The following CDK6 variants were observed in gnomAD, a reference collection of about 807,000 sequenced individuals.
CDK6 encodes cyclin dependent kinase 6, also known as cyclin-dependent kinase 6.
A neutral mutation model predicts 37.1 loss-of-function variants in CDK6; 6 were observed. The observed-to-expected ratio is 0.16, with a 90% confidence interval of 0.09 to 0.32. CDK6 has a LOEUF of 0.32. Ranked by LOEUF, CDK6 falls within the 10% of genes least tolerant of loss-of-function variation. CDK6 has a pLI of 1.00. For synonymous variants in CDK6, 160 were observed against 161.3 expected (o/e 0.99, Z 0.06); for missense variants, 224 against 418.9 (o/e 0.53, Z 4.06).
At position 92,786,944 on chromosome 7, in the gene CDK6, G is replaced by A. The variant is rs565338549; in HGVS notation, c.234-12113C>T. On this transcript the variant is annotated intron_variant, in intron 2 of 7. Coordinates refer to ENST00000424848, the MANE Select transcript of CDK6 (RefSeq NM_001145306.2). ...CACCCCTGTAATCCCAGCACTCTGGGAGGCTGAGGGGGGTGGATCACTTGA... is the reference window on the plus strand; with the variant it reads ...CACCCCTGTAATCCCAGCACTCTGGAAGGCTGAGGGGGGTGGATCACTTGA... Among the ~76,000 whole-genome samples, 112 of 152,164 alleles carry A rather than the reference G, an allele frequency of 7.4e-4. 3 individuals are homozygous for A. The South Asian group carries it at 0.023, about 31-fold the overall frequency.
At chr7:92,695,256 T>C (rs1046156321) in intron 4 of CDK6, among the ~76,000 whole-genome samples, 14 of 148,140 alleles carry the variant, frequency 9.5e-5, no homozygotes, top group Admixed American at 6.1e-4. Flanking sequence ...TGTTGGTGAT[T>C]AAGGGACCCT....
intron 3 of CDK6, among the ~76,000 whole-genome samples, chr7:92,728,243 A>T (rs2115567123): frequency 6.6e-6 from 1 of 152,346 alleles, no homozygotes; most frequent in South Asian, 2.1e-4. Flanking sequence ...ATCACTAAAA[A>T]ATTCCACTAC....
At chr7:92,716,516 T>C (rs1489309740) in intron 4 of CDK6, among the ~76,000 whole-genome samples, 2 of 152,096 alleles carry the variant, frequency 1.3e-5, no homozygotes, top group Non-Finnish European at 2.9e-5. Flanking sequence ...TTGGACTGAG[T>C]GAATAAAAAT....
chr7:92,773,260 T>C (rs1478493253), intron 3 of CDK6, among the ~76,000 whole-genome samples: 1 of 152,164 alleles, frequency 6.6e-6, no homozygotes, highest in Non-Finnish European at 1.5e-5. Context: ...TTATAAGGCA[T>C]GTGAGATTAC....
chr7:92,797,504 G>T (rs527752069), intron 2 of CDK6, among the ~76,000 whole-genome samples: 1 of 152,268 alleles, frequency 6.6e-6, no homozygotes, highest in African/African-American at 2.4e-5. Flanking sequence ...TTTAGTGCCA[G>T]GTGGATACTG....
chr7:92,786,217 A>T (rs930789477), intron 2 of CDK6, among the ~76,000 whole-genome samples: 2 of 152,178 alleles, frequency 1.3e-5, no homozygotes, highest in African/African-American at 2.4e-5. Context: ...GCCGCCTGTA[A>T]TGAAGACTGT....
At chr7:92,623,976 G>A (rs3731347) in intron 5 of CDK6, among the ~76,000 whole-genome samples, 4 of 152,118 alleles carry the variant, frequency 2.6e-5, no homozygotes, top group Admixed American at 2.6e-4. Flanking sequence ...TCTATTATCA[G>A]GTATCATATC....
At chr7:92,739,407 G>A (rs1798866543) in intron 3 of CDK6, among the ~76,000 whole-genome samples, 1 of 152,206 alleles carries the variant, frequency 6.6e-6, no homozygotes, top group African/African-American at 2.4e-5. Flanking sequence ...ATCTCCATCT[G>A]TTCCAAAATA....
At chr7:92,791,556 G>GT (rs1237077715) in intron 2 of CDK6, among the ~76,000 whole-genome samples, 1 of 152,142 alleles carries the variant, frequency 6.6e-6, no homozygotes, top group Non-Finnish European at 1.5e-5. Context: ...CAGTGCAGCA[G>GT]TAAGATGATG....
intron 5 of CDK6, among the ~76,000 whole-genome samples, chr7:92,637,039 A>G (rs1005903210): frequency 6.6e-6 from 1 of 152,176 alleles, no homozygotes; most frequent in Non-Finnish European, 1.5e-5. Context: ...AGTGCAATAA[A>G]AGTTGTTAAA....
At chr7:92,788,218 A>C (rs1001786602) in intron 2 of CDK6, among the ~76,000 whole-genome samples, 2 of 152,220 alleles carry the variant, frequency 1.3e-5, no homozygotes, top group East Asian at 3.8e-4. Flanking sequence ...TCTTTGTTCT[A>C]GAAGTATCTC....
intron 2 of CDK6, among the ~76,000 whole-genome samples, chr7:92,812,010 G>A (rs893247332): frequency 6.6e-6 from 1 of 152,096 alleles, no homozygotes; most frequent in Non-Finnish European, 1.5e-5. Context: ...AATTAGCTAT[G>A]TGCCTGTAAT....
At chr7:92,686,228 A>C (rs1797449377) in intron 4 of CDK6, among the ~76,000 whole-genome samples, 1 of 152,200 alleles carries the variant, frequency 6.6e-6, no homozygotes, top group Admixed American at 6.5e-5. Flanking sequence ...TGGTGCACCC[A>C]TCACTTGAGT....
At chr7:92,724,314 T>C (rs1226939163) in intron 4 of CDK6, among the ~76,000 whole-genome samples, 1 of 152,110 alleles carries the variant, frequency 6.6e-6, no homozygotes, top group Non-Finnish European at 1.5e-5. Context: ...TCTAAAGCAA[T>C]GGTGTATGCT....
chr7:92,626,564 T>C (rs1462815744), intron 5 of CDK6, among the ~76,000 whole-genome samples: 3 of 152,064 alleles, frequency 2.0e-5, no homozygotes, highest in Non-Finnish European at 2.9e-5. Flanking sequence ...AAAAAGTGTT[T>C]TAGAAAGACT....
At chr7:92,626,543 CA>C (rs1475761260) in intron 5 of CDK6, among the ~76,000 whole-genome samples, 6 of 151,970 alleles carry the variant, frequency 3.9e-5, no homozygotes, top group Admixed American at 3.3e-4. Context: ...CTTCAATGAA[CA>C]GCAATATAGA....
At chr7:92,779,799 T>C (rs1799940818) in intron 2 of CDK6, among the ~76,000 whole-genome samples, 1 of 152,196 alleles carries the variant, frequency 6.6e-6, no homozygotes, top group East Asian at 1.9e-4. Context: ...AACAGTTATA[T>C]TAGTCACAAT....
chr7:92,786,962 T>A (rs1360230607), intron 2 of CDK6, among the ~76,000 whole-genome samples: 1 of 151,800 alleles, frequency 6.6e-6, no homozygotes, highest in Non-Finnish European at 1.5e-5. Context: ...GGGGGGTGGA[T>A]CACTTGAGGT....
intron 2 of CDK6, among the ~76,000 whole-genome samples, chr7:92,814,555 CAA>C (rs201939605): frequency 3.4e-4 from 24 of 69,988 alleles, no homozygotes; most frequent in Middle Eastern, 8.3e-3. Flanking sequence ...AACTGAATTG[CAA>C]AAAAAAAAAA....
Sources: allele counts gnomAD v4.1 joint callset (sites outside exome capture counted in the v4.1 genomes callset), GRCh38; gene constraint gnomAD v4.1.1; transcripts MANE v1.5; gene names NCBI Gene and HGNC (gene_info 2026-07-23, HGNC 2026-07-21).